Variants in STOML3 observed in about 807,000 individuals in gnomAD.
STOML3 encodes the protein stomatin like 3.
A neutral mutation model predicts 29.5 loss-of-function variants in STOML3; 31 were observed. That is an observed-to-expected ratio of 1.05 (90% CI 0.79 to 1.42). The LOEUF (loss-of-function observed/expected upper bound fraction) is 1.42, where lower values mean the gene tolerates loss of function less well. Ranked by LOEUF, STOML3 falls within the 40% of genes most tolerant of loss-of-function variation. The pLI, the probability that STOML3 is intolerant of heterozygous loss-of-function variation, is 0.00. For synonymous variants in STOML3, 122 were observed against 139.8 expected, an observed-to-expected ratio of 0.87 and a Z score of 0.90; for missense variants, 380 against 363.0, an observed-to-expected ratio of 1.05 and a Z score of -0.38.
intron 1 of STOML3, among the ~76,000 whole-genome samples, chr13:38,988,616 T>C (rs1868838476): frequency 7.6e-6 from 1 of 132,108 alleles, no homozygotes; most frequent in Non-Finnish European, 1.6e-5. Context: ...TCATATATTT[T>C]ATATATAATA....
intron 3 of STOML3, among the ~76,000 whole-genome samples, chr13:38,973,111 A>C (rs1158135650): frequency 5.5e-4 from 80 of 145,508 alleles, no homozygotes; most frequent in Non-Finnish European, 8.7e-4. Context: ...AAAAAAAAAA[A>C]AAAAAAAAAA....
intron 1 of STOML3, among the ~76,000 whole-genome samples, chr13:38,986,416 A>G (rs1181910843): frequency 1.3e-5 from 2 of 152,178 alleles, no homozygotes; most frequent in Admixed American, 1.3e-4. Context: ...TTATCAAAGC[A>G]GGGAAGACCA....
chr13:38,968,264 T>C, intron 6 of STOML3, 136 bp downstream of exon 6: 1 of 1,307,720 alleles, frequency 7.6e-7, no homozygotes, highest in Non-Finnish European at 1.0e-6. Context: ...TCAGGGAAAA[T>C]TCTCAGTAAA....
intron 1 of STOML3, among the ~76,000 whole-genome samples, chr13:38,985,452 A>C (rs1868475886): frequency 1.3e-5 from 2 of 152,242 alleles, no homozygotes; most frequent in Admixed American, 1.3e-4. Flanking sequence ...AAAAAAGAAG[A>C]AGCAAATAAA....
intron 1 of STOML3, among the ~76,000 whole-genome samples, chr13:38,983,132 T>C (rs908459862): frequency 6.6e-6 from 1 of 152,198 alleles, no homozygotes; most frequent in Non-Finnish European, 1.5e-5. Context: ...GCATAAACTT[T>C]GACAAATAAA....
chr13:38,967,347 C>T (rs982295543), intron 6 of STOML3, among the ~76,000 whole-genome samples: 13 of 152,138 alleles, frequency 8.5e-5, no homozygotes, highest in Non-Finnish European at 1.8e-4. Flanking sequence ...CCTAATAATG[C>T]CTGGAAGCAC....
chr13:38,976,490 A>C, intron 3 of STOML3, 50 bp downstream of exon 3: 1 of 1,593,034 alleles, frequency 6.3e-7, no homozygotes, highest in South Asian at 1.1e-5. Flanking sequence ...TGGTAGCAGT[A>C]GTATTAGGTG....
chr13:38,985,377 C>A (rs915566698), intron 1 of STOML3, among the ~76,000 whole-genome samples: 1 of 152,042 alleles, frequency 6.6e-6, no homozygotes, highest in African/African-American at 2.4e-5. Flanking sequence ...GAGCCGAGAT[C>A]GCGCTACTGC....
chr13:38,970,587 C>A (rs1169745325), intron 4 of STOML3, among the ~76,000 whole-genome samples, 199 bp from the exon 5 acceptor site: 1 of 152,184 alleles, frequency 6.6e-6, no homozygotes, highest in African/African-American at 2.4e-5. Context: ...GTCATCATAC[C>A]TACCCCTGTG....
chr13:38,970,352 C>T lies in STOML3; in HGVS notation c.349G>A (p.Gly117Arg), dbSNP rs1443294436. The change falls in exon 5 of 7, where the codon GGA (glycine) becomes AGA (arginine). Residue 117 changes from glycine to arginine, a missense_variant. Transcript: ENST00000379631. The stretch of plus-strand genomic sequence containing the variant: ...CTATAGATTCTGTAATAGACAACTC[C>T]ATCTACCTGAGTAGTTACGGAGTCT... The part of the protein sequence containing the change: ...TRDSVTTQVD[G>R]VVYYRIYSAV... 2.5e-6 allele frequency: 4 copies of T among 1,614,002 alleles called. No homozygotes were observed. Among genetic ancestry groups the T allele is most frequent in the African/African-American group, 1.3e-5 (1 of 74,894 alleles).
intron 4 of STOML3, 50 bp downstream of exon 4, chr13:38,972,462 A>G: frequency 6.4e-7 from 1 of 1,552,688 alleles, no homozygotes; most frequent in East Asian, 2.2e-5. Context: ...TCCTTATAAT[A>G]GAGAAAATAC....
rs778238298 is a variant in STOML3 at position 38,972,558 on chromosome 13, A to T, written c.266T>A (p.Val89Asp). 1.2e-6 allele frequency: 2 copies of T among 1,614,106 alleles called. No homozygotes were observed. Among genetic ancestry groups the T allele is most frequent in the South Asian group, 2.2e-5 (2 of 91,084 alleles). Residue 89 changes from valine to aspartate, a missense_variant, in exon 4 of 7, where the codon GTC (valine) becomes GAC (aspartate). By Grantham distance (152) the Val-to-Asp change is radical (BLOSUM62 -3). Transcript: ENST00000379631. ...ILVLPCIDVF[V>D]KVDLRTVTCN... ...AGTAACTGTTCGGAGGTCAACTTTGACAAACACATCTATGCATGGCAGGAC... is the reference window on the plus strand; with the variant it reads ...AGTAACTGTTCGGAGGTCAACTTTGTCAAACACATCTATGCATGGCAGGAC...
intron 1 of STOML3, among the ~76,000 whole-genome samples, chr13:38,985,105 G>C (rs1469406056): frequency 6.6e-6 from 1 of 152,072 alleles, no homozygotes; most frequent in Non-Finnish European, 1.5e-5. Context: ...CCGCCTGACT[G>C]TACCCTCACT....
chr13:38,975,841 T>C (rs547707033), intron 3 of STOML3, among the ~76,000 whole-genome samples: 2 of 152,132 alleles, frequency 1.3e-5, no homozygotes, highest in Non-Finnish European at 2.9e-5. Flanking sequence ...AAAACCACCT[T>C]CTTTTAAAAC....
intron 1 of STOML3, among the ~76,000 whole-genome samples, chr13:38,981,377 C>T (rs930235498): frequency 4.6e-5 from 7 of 152,132 alleles, no homozygotes; most frequent in African/African-American, 1.2e-4. Flanking sequence ...CAGGGCCCAA[C>T]ACTCAAGGCA....
At chr13:38,977,064 G>C (rs1362532083) in intron 1 of STOML3, among the ~76,000 whole-genome samples, 2 of 152,150 alleles carry the variant, frequency 1.3e-5, no homozygotes, top group Non-Finnish European at 2.9e-5. Flanking sequence ...ACATTTTATA[G>C]GGCTGCCATG....
At chr13:38,977,813 A>G (rs907644105) in intron 1 of STOML3, among the ~76,000 whole-genome samples, 51 of 129,072 alleles carry the variant, frequency 4.0e-4, no homozygotes, top group Admixed American at 2.8e-4. Context: ...AGGCTGGAGT[A>G]CAGTGGCGCG....
intron 1 of STOML3, among the ~76,000 whole-genome samples, chr13:38,980,558 AAC>A (rs1881236955): frequency 6.9e-6 from 1 of 144,828 alleles, no homozygotes; most frequent in South Asian, 2.3e-4. Flanking sequence ...GGGGCTGCAC[AAC>A]ACCTTTTTGG....
chr13:38,966,874 A>G lies in STOML3; in HGVS notation c.827T>C (p.Ile276Thr), dbSNP rs757930954. 1.2e-6 allele frequency: 2 copies of G among 1,613,484 alleles called. No individual in the cohort carries two copies. Among genetic ancestry groups the G allele is most frequent in the East Asian group, 2.2e-5 (1 of 44,810 alleles). Residue 276 changes from isoleucine to threonine, a missense_variant, in exon 7 of 7, where the codon ATT becomes ACT. Physicochemically the swap from Ile to Thr is moderately conservative, Grantham distance 89. Coordinates refer to ENST00000379631, the MANE Select transcript of STOML3 (RefSeq NM_145286.3). ...GTGGTTATCATAGCTGACGCCACCA[A>G]TGCCCTCTAGTATATTCATGGGCAG... The part of the protein sequence containing the change: ...FPLPMNILEG[I>T]GGVSYDNHKK...
Sources: gnomAD v4.1 joint callset for allele counts (sites outside exome capture counted in the v4.1 genomes callset) on GRCh38, gnomAD v4.1.1 for gene constraint, MANE v1.5 for transcripts, NCBI Gene and HGNC (gene_info 2026-07-23, HGNC 2026-07-21) for gene names.